The following ISY1 variants were observed in gnomAD, a reference collection of about 807,000 sequenced individuals.
The protein encoded by ISY1 is pre-mRNA-splicing factor ISY1 homolog.
A neutral mutation model predicts 54.4 loss-of-function variants in ISY1; 12 were observed. The observed-to-expected ratio is 0.22, with a 90% CI of 0.14 to 0.36. The LOEUF (loss-of-function observed/expected upper bound fraction) is 0.36, where lower values mean the gene tolerates loss of function less well. Among genes scored for constraint, ISY1 ranks in the 10% least tolerant of loss-of-function variants. The pLI, the probability that ISY1 is intolerant of heterozygous loss-of-function variation, is 1.00. For missense variants in ISY1, 282 were observed against 342.2 expected (o/e 0.82, Z 1.39); for synonymous variants, 96 against 117.9 (o/e 0.81, Z 1.20).
intron 6 of ISY1, among the ~76,000 whole-genome samples, chr3:129,142,406 T>C (rs1936647347): frequency 6.6e-6 from 1 of 152,146 alleles, no homozygotes; most frequent in Non-Finnish European, 1.5e-5. Flanking sequence ...ATATTCTTCT[T>C]AGGAAATACA....
intron 5 of ISY1, 89 bp downstream of exon 5, chr3:129,156,544 C>T: frequency 7.5e-7 from 1 of 1,340,428 alleles, no homozygotes; most frequent in Non-Finnish European, 1.1e-6. Context: ...TCTACTTGCT[C>T]TATTGATTAT....
chr3:129,137,676 C>T (rs373457241), intron 7 of ISY1, among the ~76,000 whole-genome samples: 56 of 151,742 alleles, frequency 3.7e-4, no homozygotes, highest in African/African-American at 1.2e-3. Flanking sequence ...TTTGGGAGGC[C>T]GAGGCGGGCG....
chr3:129,130,841 G>A, intron 9 of ISY1: 1 of 447,266 alleles, frequency 2.2e-6, no homozygotes, highest in Non-Finnish European at 3.8e-6. Context: ...TGTCTAAGGA[G>A]GAAATAAGAA....
intron 5 of ISY1, among the ~76,000 whole-genome samples, chr3:129,153,999 T>A (rs1432469498): frequency 6.6e-6 from 1 of 151,058 alleles, no homozygotes; most frequent in African/African-American, 2.4e-5. Context: ...TCCCAGCACT[T>A]TGGGAGGCCG....
intron 5 of ISY1, among the ~76,000 whole-genome samples, chr3:129,155,619 A>G (rs1937111531): frequency 6.6e-6 from 1 of 152,004 alleles, no homozygotes; most frequent in South Asian, 2.1e-4. Flanking sequence ...TTCCTCTCAG[A>G]CACATGAATT....
intron 1 of ISY1, among the ~76,000 whole-genome samples, chr3:129,160,260 A>C (rs574385034): frequency 3.3e-5 from 5 of 152,252 alleles, no homozygotes; most frequent in African/African-American, 1.2e-4. Context: ...CATGACGCCC[A>C]GTGTTTCTTA....
chr3:129,144,979 C>G (rs2107610382), intron 6 of ISY1, among the ~76,000 whole-genome samples: 1 of 152,220 alleles, frequency 6.6e-6, no homozygotes, highest in East Asian at 1.9e-4. Context: ...GGCATGATGA[C>G]AGCTCACTGC....
rs769182087 is a variant in ISY1, at chr3:129,134,083, G to A, written c.654C>T (p.Thr218=). 27 of 1,613,958 alleles carry A rather than the reference G, an allele frequency of 1.7e-5. No homozygotes were observed. Among genetic ancestry groups the A allele is most frequent in the South Asian group, 4.4e-5 (4 of 91,078 alleles). The change falls in exon 9 of 11, where the codon ACC becomes ACT. Residue 218 remains threonine, a synonymous_variant. Transcript: ENST00000393295. ...GGGCCAACCCCAATACCTCCTCCTCGGTGACTGCATAGATGTTGATCTCTT... is the reference window on the plus strand; with the variant it reads ...GGGCCAACCCCAATACCTCCTCCTCAGTGACTGCATAGATGTTGATCTCTT... ...EEEEINIYAV[T]EEESDEEGSQ...
At chr3:129,133,382 G>A (rs778906386) in intron 9 of ISY1, among the ~76,000 whole-genome samples, 19 of 152,164 alleles carry the variant, frequency 1.2e-4, no homozygotes, top group Non-Finnish European at 2.4e-4. Flanking sequence ...TCTGCTCTGC[G>A]TTTCTTTCCA....
intron 5 of ISY1, among the ~76,000 whole-genome samples, chr3:129,151,519 C>T (rs1338413112): frequency 6.6e-6 from 1 of 151,676 alleles, no homozygotes; most frequent in East Asian, 1.9e-4. Flanking sequence ...GTCCCAGCTA[C>T]TCAGGAGGCT....
At chr3:129,144,575 A>C (rs753747137) in intron 6 of ISY1, among the ~76,000 whole-genome samples, 4 of 152,240 alleles carry the variant, frequency 2.6e-5, no homozygotes, top group Non-Finnish European at 5.9e-5. Flanking sequence ...AGGAGTTTTC[A>C]AAACCAAGAC....
intron 5 of ISY1, among the ~76,000 whole-genome samples, 190 bp from the exon 6 acceptor site, chr3:129,146,063 T>C (rs544686881): frequency 6.6e-6 from 1 of 151,396 alleles, no homozygotes; most frequent in Non-Finnish European, 1.5e-5. Context: ...TAAACAGAGT[T>C]CCCACTAGCG....
rs71153171 is a variant in ISY1 at position 129,154,692 on chromosome 3, C to CTT, written c.187+1939_187+1940dup. ...CTAGAAGTTTATCAATTTTATTGAT[C>CTT]TTTTTTTTTTTTTTGAGACAGAGTC... On this transcript the variant is annotated intron_variant, in intron 5 of 10. Transcript: ENST00000393295. Among the ~76,000 whole-genome samples the CTT allele has an allele frequency of 2.2e-3, 305 of 136,444 alleles. 7 individuals carry two copies. The highest frequency in any genetic ancestry group is 0.012 in the Middle Eastern group (3 of 258). The allele number at this position is 136,444 out of a possible 152,430, so 89.5% of individuals were successfully genotyped here.
At chr3:129,142,100 G>A (rs1211194998) in intron 6 of ISY1, among the ~76,000 whole-genome samples, 1 of 151,798 alleles carries the variant, frequency 6.6e-6, no homozygotes, top group East Asian at 1.9e-4. Flanking sequence ...AGCTACTTGG[G>A]AGGCTGGAGC....
rs1199049568 is a variant in ISY1 at position 129,149,610 on chromosome 3, A to AATATATAT, written c.188-3745_188-3738dup. Among the ~76,000 whole-genome samples the AATATATAT allele has an allele frequency of 2.4e-3, 60 of 24,618 alleles. 1 individual carries two copies. The highest frequency in any genetic ancestry group is 6.8e-3 in the African/African-American group (57 of 8,420). 16.2% of individuals were successfully genotyped at this position (24,618 alleles called of 152,430 possible). A position where few individuals can be genotyped will look rare whatever the true frequency, so the allele number is the denominator to read the frequency against. On this transcript the variant is annotated intron_variant, in intron 5 of 10. Coordinates refer to ENST00000393295, the MANE Select transcript of ISY1 (RefSeq NM_020701.4). ...AAAAAAAAAAAAAAAAAAAAAAAAA[A>AATATATAT]ATATATATATATATATATATATATA... is the stretch of plus-strand genomic sequence containing the variant.
Position 129,134,151 on chromosome 3 carries a change from G to A in ISY1, c.586C>T (p.Arg196Trp), listed in dbSNP as rs765392126. Residue 196 changes from arginine to tryptophan, a missense_variant, in exon 9 of 11, where the codon CGG (arginine) becomes TGG (tryptophan). Coordinates refer to ENST00000393295, the MANE Select transcript of ISY1 (RefSeq NM_020701.4). ...VEKWKAEREA[R>W]LARGEKEEEE... The stretch of plus-strand genomic sequence containing the variant: ...TCTTCCTTTTCTCCTCTTGCCAGCC[G>A]AGCCTCTCTCTCTGCTTTCCACTTT... 13 of 1,613,970 alleles carry A rather than the reference G, an allele frequency of 8.1e-6. 1 individual carries two copies. In the Middle Eastern group the frequency reaches 6.6e-4, roughly 82 times the overall value.
At chr3:129,144,153 A>G in intron 6 of ISY1, 1 of 444,500 alleles carries the variant, frequency 2.2e-6, no homozygotes, top group South Asian at 1.6e-5. Context: ...CAACTGCTGA[A>G]GAGATCAGGC....
Position 129,128,263 on chromosome 3 carries a change from C to A in ISY1, c.*1818G>T, listed in dbSNP as rs1936143366. 1 of 152,810 alleles carries A rather than the reference C, an allele frequency of 6.5e-6. No homozygotes were observed. The highest frequency in any genetic ancestry group is 1.5e-5 in the Non-Finnish European group (1 of 68,486). 9.5% of individuals were successfully genotyped at this position (152,810 alleles called of 1,614,324 possible). ...CCTCCAAGGGCTCCCAAAGCTTCAA[C>A]CTGGACACCTCTCCTCCCTGCACAC... On this transcript the variant is annotated 3_prime_UTR_variant, in exon 11 of 11. Transcript: ENST00000393295.
chr3:129,135,322 C>T (rs537959686), intron 7 of ISY1, among the ~76,000 whole-genome samples: 15 of 152,020 alleles, frequency 9.9e-5, no homozygotes, highest in East Asian at 5.8e-4. Context: ...CCAGCCTGGG[C>T]GACAAAACAA....
Sources: allele counts gnomAD v4.1 joint callset (sites outside exome capture counted in the v4.1 genomes callset), GRCh38; gene constraint gnomAD v4.1.1; transcripts MANE v1.5; gene names NCBI Gene and HGNC (gene_info 2026-07-23, HGNC 2026-07-21).